Variants in SLC19A1 observed in about 807,000 individuals in gnomAD.
SLC19A1 encodes solute carrier family 19 member 1, also known as reduced folate transporter.
In SLC19A1, 37 loss-of-function variants were observed where a neutral mutation model predicts 35.3. The observed-to-expected ratio is 1.05, with a 90% CI of 0.81 to 1.38. The LOEUF (loss-of-function observed/expected upper bound fraction) is 1.38. Ranked by LOEUF, SLC19A1 falls within the 40% of genes most tolerant of loss-of-function variation. The pLI, the probability that SLC19A1 is intolerant of heterozygous loss-of-function variation, is 0.00. For synonymous variants in SLC19A1, 460 were observed against 398.5 expected (o/e 1.15, Z -1.84); for missense variants, 831 against 826.9 (o/e 1.00, Z -0.06).
upstream of SLC19A1, among the ~76,000 whole-genome samples, chr21:45,546,928 T>C (rs1350802158): frequency 1.3e-5 from 2 of 151,936 alleles, no homozygotes; most frequent in Admixed American, 1.3e-4. Flanking sequence ...GAAGACAAAA[T>C]GATTGGGAAG....
At position 45,505,775 on chromosome 21, in the gene SLC19A1, C is replaced by T. The variant is rs1040084566; in HGVS notation, c.498-7163G>A. 4.0e-6 allele frequency: 5 copies of T among 1,264,232 alleles called. No individual in the cohort carries two copies. The East Asian group carries it at 1.2e-4, about 32-fold the overall frequency. 78.3% of individuals were successfully genotyped at this position (1,264,232 alleles called of 1,614,324 possible). ...CAGCACCCTGAAACGGGCATTCCTT[C>T]CTTCCGCCCCTGCCCCCCGCCCTCC... On this transcript the variant is annotated intron_variant, in intron 3 of 4. Transcript: ENST00000417954.
At chr21:45,523,746 G>A (rs1025911976) in intron 5 of SLC19A1, among the ~76,000 whole-genome samples, 43 of 152,224 alleles carry the variant, frequency 2.8e-4, no homozygotes, top group Admixed American at 7.2e-4. Context: ...GTTCCAGCCT[G>A]GCTGGGGCCA....
At position 45,525,278 on chromosome 21, in the gene SLC19A1, A is replaced by T. The variant is rs142968954; in HGVS notation, c.1293+539T>A. 6.2e-3 allele frequency among the ~76,000 whole-genome samples: 951 copies of T among 152,192 alleles called. 16 individuals are homozygous for T. The highest frequency in any genetic ancestry group is 0.022 in the African/African-American group (912 of 41,528). ...GGAGCCTGGAAGGACCTCTCACACCACGCCCACCATGGCTGATTCCAGCTC... is the reference window on the plus strand; with the variant it reads ...GGAGCCTGGAAGGACCTCTCACACCTCGCCCACCATGGCTGATTCCAGCTC... On this transcript the variant is annotated intron_variant, in intron 5 of 5. Coordinates refer to ENST00000311124, the MANE Select transcript of SLC19A1 (RefSeq NM_194255.4).
At chr21:45,545,281 C>T (rs1462719336), upstream of SLC19A1, among the ~76,000 whole-genome samples, 1 of 152,132 alleles carries the variant, frequency 6.6e-6, no homozygotes, top group African/African-American at 2.4e-5. Context: ...GGACGGATCC[C>T]TCATGAATGG....
downstream of SLC19A1, among the ~76,000 whole-genome samples, chr21:45,509,795 A>G (rs1457626150): frequency 6.6e-6 from 1 of 152,020 alleles, no homozygotes; most frequent in Non-Finnish European, 1.5e-5. Context: ...AGTGGTCATG[A>G]AAGTCCAGCC....
chr21:45,560,120 C>A (rs139572788), intron 1 of SLC19A1, among the ~76,000 whole-genome samples: 70 of 151,984 alleles, frequency 4.6e-4, no homozygotes, highest in African/African-American at 1.6e-3. Context: ...GCCCTGGGGT[C>A]ACTCATGGAG....
At chr21:45,518,037 A>G (rs1025499978) in intron 5 of SLC19A1, among the ~76,000 whole-genome samples, 27 of 152,218 alleles carry the variant, frequency 1.8e-4, no homozygotes, top group African/African-American at 5.1e-4. Context: ...CAATTAATAG[A>G]CACCAACACT....
chr21:45,515,022 G>C lies in SLC19A1; in HGVS notation c.*636C>G. On this transcript the variant is annotated 3_prime_UTR_variant, in exon 6 of 6. Transcript: ENST00000311124. ...AGGACAGACAGGACCATGGAGGGCT[G>C]CCCTTAGGGTGGGAGAGAGGAACCA... 6.5e-7 allele frequency: 1 copy of C among 1,536,454 alleles called. No individual in the cohort carries two copies. The highest frequency in any genetic ancestry group is 8.7e-7 in the Non-Finnish European group (1 of 1,143,024).
At chr21:45,541,456 T>C (rs911275252) in intron 1 of SLC19A1, among the ~76,000 whole-genome samples, 2 of 152,260 alleles carry the variant, frequency 1.3e-5, no homozygotes, top group South Asian at 2.1e-4. Flanking sequence ...TTATCCCACC[T>C]TCCCTCTGGA....
chr21:45,511,939 C>T (rs894092536), downstream of SLC19A1, among the ~76,000 whole-genome samples: 1 of 152,224 alleles, frequency 6.6e-6, no homozygotes, highest in South Asian at 2.1e-4. Flanking sequence ...CCAGGCCAAG[C>T]CCTGGCCCCT....
chr21:45,528,211 C>T (rs1389388344), intron 4 of SLC19A1, among the ~76,000 whole-genome samples: 2 of 152,012 alleles, frequency 1.3e-5, no homozygotes, highest in South Asian at 2.1e-4. Context: ...AGCACAAACA[C>T]GAGCTTCTGG....
chr21:45,522,495 G>A (rs190364122), intron 5 of SLC19A1, among the ~76,000 whole-genome samples: 252 of 152,264 alleles, frequency 1.7e-3, no homozygotes, highest in African/African-American at 5.8e-3. Context: ...ACTTCTGGGC[G>A]TCTGTCCCAG....
chr21:45,529,168 T>A (rs577286001), intron 4 of SLC19A1, among the ~76,000 whole-genome samples: 67 of 151,886 alleles, frequency 4.4e-4, no homozygotes, highest in Non-Finnish European at 9.3e-4. Context: ...GGGCCCCGAG[T>A]ATGGCAGGGG....
In SLC19A1 at chr21:45,534,345, C is replaced by T. The variant is rs1423183840; in HGVS notation, c.190-2197G>A. On this transcript the variant is annotated intron_variant, in intron 2 of 5. Coordinates refer to ENST00000311124, the MANE Select transcript of SLC19A1 (RefSeq NM_194255.4). This position sits in a 1 kb window ranked among gnomAD's most constrained non-coding sequence, Gnocchi z 4.2. ...AAGCGGCTCAGAGGCAGGGGTCCTC[C>T]TAGGACCTCAGGGACCCCCGACCCC... Among the ~76,000 whole-genome samples the T allele has an allele frequency of 6.6e-6, 1 of 152,028 alleles. No homozygotes were observed.
rs2037861424 is a variant in SLC19A1 at position 45,515,487 on chromosome 21, C to G, written c.*171G>C. On this transcript the variant is annotated 3_prime_UTR_variant, in exon 6 of 6. Transcript: ENST00000311124. ...GGCCAGGCAGCTGCCCTGAGTGTCG[C>G]CAGCACGCTGTGGCCACCGCCAGAG... is the stretch of plus-strand genomic sequence containing the variant. The G allele has an allele frequency of 4.7e-6, 7 of 1,503,188 alleles. No individual in the cohort carries two copies. The highest frequency in any genetic ancestry group is 6.1e-6 in the Non-Finnish European group (7 of 1,139,146). 93.1% of individuals were successfully genotyped at this position (1,503,188 alleles called of 1,614,324 possible).
intron 5 of SLC19A1, among the ~76,000 whole-genome samples, chr21:45,520,414 T>C (rs572502337): frequency 5.9e-5 from 9 of 152,300 alleles, no homozygotes; most frequent in Admixed American, 2.0e-4. Context: ...ATTATCTACG[T>C]AGAAAATCTC....
intron 4 of SLC19A1, among the ~76,000 whole-genome samples, chr21:45,526,935 C>T (rs894473612): frequency 2.0e-5 from 3 of 152,230 alleles, no homozygotes; most frequent in African/African-American, 7.2e-5. Flanking sequence ...AACACAAACT[C>T]GAGAAGATAC....
At chr21:45,547,833 A>G (rs370865668), upstream of SLC19A1, among the ~76,000 whole-genome samples, 1 of 152,248 alleles carries the variant, frequency 6.6e-6, no homozygotes, top group African/African-American at 2.4e-5. Context: ...TTGGCTCAGC[A>G]TAAATCTCTT....
At chr21:45,554,604 C>G (rs2078523598) in intron 1 of SLC19A1, among the ~76,000 whole-genome samples, 1 of 143,122 alleles carries the variant, frequency 7.0e-6, no homozygotes, top group African/African-American at 2.7e-5. Context: ...CACTCAGCAT[C>G]GTGTCTCCAG....
Sources: gnomAD v4.1 joint callset for allele counts (sites outside exome capture counted in the v4.1 genomes callset) on GRCh38, gnomAD v4.1.1 for gene constraint, Gnocchi (gnomAD v3.1) non-coding constraint, MANE v1.5 for transcripts, NCBI Gene and HGNC (gene_info 2026-07-23, HGNC 2026-07-21) for gene names.